Variants in PTPRD observed in about 807,000 individuals in gnomAD.
PTPRD encodes protein tyrosine phosphatase receptor type D.
PTPRD carries 34 observed loss-of-function variants against 214.5 expected under a neutral mutation model. That is an observed-to-expected ratio of 0.16 (90% CI 0.12 to 0.21). The LOEUF (loss-of-function observed/expected upper bound fraction) is 0.21, where lower values mean the gene tolerates loss of function less well. PTPRD is among the 10% of genes least tolerant of loss of function. The probability of loss-of-function intolerance (pLI) is 1.00; values close to 1 mark genes in which losing one functional copy is unlikely to be tolerated. For missense variants in PTPRD, 2,545 were observed against 2,398.7 expected (o/e 1.06, Z -1.27); for synonymous variants, 1,128 against 845.7 (o/e 1.33, Z -5.79).
intron 3 of PTPRD, among the ~76,000 whole-genome samples, chr9:10,133,945 T>C (rs1350650017): frequency 1.3e-5 from 2 of 152,224 alleles, no homozygotes; most frequent in Non-Finnish European, 2.9e-5. Flanking sequence ...GGTGTTGCTA[T>C]ATTACATACT....
At chr9:9,989,520 A>G (rs1334323822) in intron 4 of PTPRD, among the ~76,000 whole-genome samples, 3 of 152,052 alleles carry the variant, frequency 2.0e-5, no homozygotes, top group Non-Finnish European at 4.4e-5. Context: ...GAACTCCATT[A>G]TCTTCCCATT....
chr9:9,629,478 T>G (rs1263214556), intron 7 of PTPRD, among the ~76,000 whole-genome samples: 1 of 152,110 alleles, frequency 6.6e-6, no homozygotes, highest in Non-Finnish European at 1.5e-5. Flanking sequence ...TGTAACAGGA[T>G]GCTGATTGTA....
intron 14 of PTPRD, among the ~76,000 whole-genome samples, chr9:8,553,632 C>G (rs1216311537): frequency 6.6e-6 from 1 of 152,130 alleles, no homozygotes. Context: ...AGGTACATGA[C>G]TCAGCATTCT....
chr9:9,276,454 A>G (rs1945681360), intron 9 of PTPRD, among the ~76,000 whole-genome samples: 1 of 151,334 alleles, frequency 6.6e-6, no homozygotes, highest in Non-Finnish European at 1.5e-5. Context: ...TGGTTTTCTC[A>G]GAGATGGTCT....
chr9:10,518,999 C>T lies in PTPRD; in HGVS notation c.-600+93399G>A, dbSNP rs142964630. Among the ~76,000 whole-genome samples, 70 of 151,664 alleles carry T rather than the reference C, an allele frequency of 4.6e-4. 1 individual carries two copies. In the East Asian group the frequency reaches 0.013, roughly 28 times the overall value. ...TATTTTTTTAATGGTCAGAAGAAAC[C>T]TGCACTCTTATCTCCTATTTTCAGC... is the stretch of plus-strand genomic sequence containing the variant. On this transcript the variant is annotated intron_variant, in intron 2 of 45. Coordinates refer to ENST00000381196, the MANE Select transcript of PTPRD (RefSeq NM_002839.4).
chr9:8,633,944 C>A (rs746588979), intron 13 of PTPRD, among the ~76,000 whole-genome samples: 1 of 151,944 alleles, frequency 6.6e-6, no homozygotes, highest in Non-Finnish European at 1.5e-5. Context: ...GATAGGCAAA[C>A]CACGAAAAGA....
At chr9:8,516,172 G>C (rs186625059) in intron 21 of PTPRD, among the ~76,000 whole-genome samples, 13 of 152,238 alleles carry the variant, frequency 8.5e-5, no homozygotes, top group Admixed American at 4.6e-4. Flanking sequence ...TTTTAGTCAA[G>C]AAAAAGCAAA....
At chr9:9,071,597 G>C (rs969686701) in intron 10 of PTPRD, among the ~76,000 whole-genome samples, 4 of 152,134 alleles carry the variant, frequency 2.6e-5, no homozygotes, top group African/African-American at 7.2e-5. Context: ...AATCAGCAAA[G>C]GGTGGGGGCT....
chr9:9,622,413 C>A (rs190388595), intron 7 of PTPRD, among the ~76,000 whole-genome samples: 1 of 152,172 alleles, frequency 6.6e-6, no homozygotes, highest in South Asian at 2.1e-4. Flanking sequence ...GATTAATATA[C>A]AGGAGATGAA....
chr9:10,226,442 A>T (rs1227650762), intron 3 of PTPRD, among the ~76,000 whole-genome samples: 1 of 152,036 alleles, frequency 6.6e-6, no homozygotes, highest in African/African-American at 2.4e-5. Flanking sequence ...GAGGCTGAGT[A>T]TGAGGGAGGC....
At chr9:9,508,332 T>G (rs560784953) in intron 8 of PTPRD, among the ~76,000 whole-genome samples, 9 of 151,544 alleles carry the variant, frequency 5.9e-5, no homozygotes, top group African/African-American at 2.2e-4. Flanking sequence ...GTAACACAAT[T>G]CTTTCAACGC....
chr9:9,708,821 G>C (rs2097673794), intron 7 of PTPRD, among the ~76,000 whole-genome samples: 2 of 151,860 alleles, frequency 1.3e-5, no homozygotes, highest in Admixed American at 1.3e-4. Flanking sequence ...AACGTGGTGT[G>C]TTTTCTATAT....
chr9:8,965,683 A>G (rs10977408), intron 11 of PTPRD, among the ~76,000 whole-genome samples: 57,948 of 152,040 alleles, frequency 0.38, 11,530 homozygotes, highest in East Asian at 0.51. Flanking sequence ...TTAACATTAT[A>G]CCAAATGGGC....
intron 2 of PTPRD, among the ~76,000 whole-genome samples, chr9:10,426,677 C>T (rs1226301665): frequency 6.6e-6 from 1 of 152,060 alleles, no homozygotes; most frequent in Non-Finnish European, 1.5e-5. Flanking sequence ...AAGTAAGGGC[C>T]AACTTCTCGG....
chr9:8,648,399 G>A (rs556450495), intron 12 of PTPRD, among the ~76,000 whole-genome samples: 1 of 152,142 alleles, frequency 6.6e-6, no homozygotes, highest in Non-Finnish European at 1.5e-5. Flanking sequence ...ATAACCACTG[G>A]TTTAGTGACA....
intron 11 of PTPRD, among the ~76,000 whole-genome samples, chr9:8,779,713 G>C (rs2095619819): frequency 6.6e-6 from 1 of 151,998 alleles, no homozygotes; most frequent in African/African-American, 2.4e-5. Flanking sequence ...CCTCAGGCTG[G>C]CGTTCCACAA....
intron 2 of PTPRD, among the ~76,000 whole-genome samples, chr9:10,602,037 CACAAA>C (rs1223192168): frequency 6.6e-6 from 1 of 151,746 alleles, no homozygotes. Context: ...AAATAAATGT[CACAAA>C]ACAACTCAAC....
chr9:8,867,814 T>G (rs2098225278), intron 11 of PTPRD, among the ~76,000 whole-genome samples: 1 of 152,220 alleles, frequency 6.6e-6, no homozygotes, highest in Non-Finnish European at 1.5e-5. Context: ...AAAATCTTTA[T>G]GGAAAACAAT....
At chr9:9,040,027 G>A (rs991419167) in intron 10 of PTPRD, among the ~76,000 whole-genome samples, 9 of 151,828 alleles carry the variant, frequency 5.9e-5, no homozygotes, top group African/African-American at 2.2e-4. Flanking sequence ...CTTTACAGAT[G>A]AGGAAGCTAC....
Sources: gnomAD v4.1 joint callset for allele counts (sites outside exome capture counted in the v4.1 genomes callset) on GRCh38, gnomAD v4.1.1 for gene constraint, MANE v1.5 for transcripts, NCBI Gene and HGNC (gene_info 2026-07-23, HGNC 2026-07-21) for gene names.